SLC9A7: variants seen among roughly 807,000 people sequenced by gnomAD.
SLC9A7 encodes the protein solute carrier family 9 member A7, also known as sodium/hydrogen exchanger 7.
In SLC9A7, 19 loss-of-function variants were observed where a neutral mutation model predicts 52.6. The ratio of observed to expected loss-of-function variants is 0.36; its 90% confidence interval spans 0.25 to 0.53. The LOEUF (loss-of-function observed/expected upper bound fraction) is 0.53, where lower values mean the gene tolerates loss of function less well. SLC9A7 is among the 20% of genes least tolerant of loss of function. The pLI is 0.91. For synonymous variants in SLC9A7, 226 were observed against 252.1 expected, an observed-to-expected ratio of 0.90 and a Z score of 0.98; for missense variants, 455 against 597.9, an observed-to-expected ratio of 0.76 and a Z score of 2.49.
chrX:46,743,726 T>C lies in SLC9A7; in HGVS notation c.325+14979A>G, dbSNP rs1314767818. 3.6e-5 allele frequency among the ~76,000 whole-genome samples: 4 copies of C among 111,746 alleles called. No homozygotes were observed. In the East Asian group the frequency reaches 1.1e-3, roughly 31 times the overall value. ...CATCATCAAATGCATGGGTAGTTGTTAGATGCCCCAAAGTTCCCAAATATA... is the reference window on the plus strand; with the variant it reads ...CATCATCAAATGCATGGGTAGTTGTCAGATGCCCCAAAGTTCCCAAATATA... On this transcript the variant is annotated intron_variant, in intron 1 of 16. Transcript: ENST00000616978.
intron 1 of SLC9A7, among the ~76,000 whole-genome samples, chrX:46,691,046 T>C (rs1432477899): frequency 2.7e-5 from 3 of 112,050 alleles, no homozygotes; most frequent in Admixed American, 1.9e-4. Context: ...TTAAATGCCA[T>C]AGACACCTAC....
intron 1 of SLC9A7, among the ~76,000 whole-genome samples, chrX:46,735,326 G>T (rs1411950718): frequency 9.1e-6 from 1 of 110,214 alleles, no homozygotes; most frequent in Non-Finnish European, 1.9e-5. Flanking sequence ...TTATCCTAGG[G>T]TTTACAATGT....
chrX:46,606,889 G>A lies in SLC9A7; in HGVS notation c.*63C>T, dbSNP rs1247470114. The A allele has an allele frequency of 8.3e-7, 1 of 1,198,028 alleles. No homozygotes were observed. The highest frequency in any genetic ancestry group is 1.8e-5 in the African/African-American group (1 of 56,751). ...ACTGCCCCACCTCCAACAACACTAG[G>A]GCTTGCAGCTGTCCTCACCCCATCG... On this transcript the variant is annotated 3_prime_UTR_variant, in exon 17 of 17. Transcript: ENST00000616978.
chrX:46,680,401 TG>T (rs1410145725), intron 2 of SLC9A7, among the ~76,000 whole-genome samples: 1 of 110,648 alleles, frequency 9.0e-6, no homozygotes, highest in Non-Finnish European at 1.9e-5. Flanking sequence ...AAGACTCAAC[TG>T]CAGTAAAAGA....
At chrX:46,657,139 G>T (rs1286065355) in intron 7 of SLC9A7, among the ~76,000 whole-genome samples, 1 of 109,574 alleles carries the variant, frequency 9.1e-6, no homozygotes, top group Non-Finnish European at 1.9e-5. Context: ...ATAAGTGAAG[G>T]GGAAATAAAA....
intron 14 of SLC9A7, among the ~76,000 whole-genome samples, chrX:46,622,968 G>A (rs1291123458): frequency 8.9e-6 from 1 of 112,117 alleles, no homozygotes; most frequent in Non-Finnish European, 1.9e-5. Flanking sequence ...GTAAATTCAG[G>A]ACAAATCAAA....
At chrX:46,751,089 T>C (rs781909193) in intron 1 of SLC9A7, among the ~76,000 whole-genome samples, 13 of 112,037 alleles carry the variant, frequency 1.2e-4, no homozygotes, top group Non-Finnish European at 2.3e-4. Context: ...CCAACAGAAG[T>C]GGGCAAAGTG....
chrX:46,751,796 T>C (rs1556288354), intron 1 of SLC9A7, among the ~76,000 whole-genome samples: 1 of 110,881 alleles, frequency 9.0e-6, no homozygotes, highest in Non-Finnish European at 1.9e-5. Context: ...CATGACACAG[T>C]GAGACCCTGT....
At chrX:46,730,657 C>CA (rs750710893) in intron 1 of SLC9A7, among the ~76,000 whole-genome samples, 15 of 24,831 alleles carry the variant, frequency 6.0e-4, no homozygotes, top group East Asian at 1.3e-3. Flanking sequence ...GAGACTGTCT[C>CA]AAAAAAAAAA....
intron 16 of SLC9A7, among the ~76,000 whole-genome samples, chrX:46,610,407 G>A (rs1423195413): frequency 8.9e-6 from 1 of 112,311 alleles, no homozygotes; most frequent in African/African-American, 3.2e-5. Flanking sequence ...CCTTTTAGAT[G>A]GTGGGTAAGA....
chrX:46,720,459 C>G (rs762855046), intron 1 of SLC9A7, among the ~76,000 whole-genome samples: 2 of 110,719 alleles, frequency 1.8e-5, no homozygotes, highest in Non-Finnish European at 3.8e-5. Flanking sequence ...CTGCTTCTCC[C>G]CTGATTCCCC....
chrX:46,692,728 T>C (rs780688253), intron 1 of SLC9A7, among the ~76,000 whole-genome samples: 13 of 111,528 alleles, frequency 1.2e-4, no homozygotes, highest in Non-Finnish European at 2.1e-4. Flanking sequence ...CAATGCATGC[T>C]CAGAAATGAG....
chrX:46,622,009 C>A (rs368812293), intron 14 of SLC9A7, among the ~76,000 whole-genome samples: 85 of 69,538 alleles, frequency 1.2e-3, no homozygotes, highest in African/African-American at 7.1e-3. Flanking sequence ...AAATTCTACC[C>A]GCAATGGCAA....
rs750973505 is a variant in SLC9A7, at chrX:46,714,572, TATATTTTTTGAGATCCCCGACAA to T, written c.326-32060_326-32038del. 8.2e-4 allele frequency among the ~76,000 whole-genome samples: 92 copies of T among 111,597 alleles called. 2 individuals are homozygous for T. In the East Asian group the frequency reaches 0.011, roughly 13 times the overall value. Reference sequence around the variant, plus strand: ...TGCCTCCATACTTATGGACAACACATATATTTTTTGAGATCCCCGACAAATATTTTTTGAGATCCCCGACAAAT... The same window carrying T: ...TGCCTCCATACTTATGGACAACACATATATTTTTTGAGATCCCCGACAAAT... On this transcript the variant is annotated intron_variant, in intron 1 of 16. Coordinates refer to ENST00000616978, the MANE Select transcript of SLC9A7 (RefSeq NM_001257291.2).
chrX:46,758,565 T>C, intron 1 of SLC9A7, 140 bp downstream of exon 1: 1 of 390,299 alleles, frequency 2.6e-6, no homozygotes, highest in Non-Finnish European at 4.3e-6. Flanking sequence ...ACAGTTGACC[T>C]TGGGAACCAA....
At chrX:46,697,879 C>A (rs947786197) in intron 1 of SLC9A7, among the ~76,000 whole-genome samples, 3 of 111,752 alleles carry the variant, frequency 2.7e-5, no homozygotes. Context: ...AAGGAACATC[C>A]CTGAGAAAGA....
At chrX:46,751,576 G>A (rs1922238067) in intron 1 of SLC9A7, among the ~76,000 whole-genome samples, 3 of 111,494 alleles carry the variant, frequency 2.7e-5, no homozygotes. Context: ...AGGAAGCCGA[G>A]GCAGGTGGAT....
At chrX:46,750,552 G>T (rs781880995) in intron 1 of SLC9A7, among the ~76,000 whole-genome samples, 1 of 111,121 alleles carries the variant, frequency 9.0e-6, no homozygotes, top group Admixed American at 9.5e-5. Flanking sequence ...GTTTTGCCAC[G>T]TTGCCCAGGC....
intron 1 of SLC9A7, among the ~76,000 whole-genome samples, chrX:46,723,568 T>G (rs1944897585): frequency 1.8e-5 from 2 of 110,372 alleles, no homozygotes; most frequent in Non-Finnish European, 3.8e-5. Flanking sequence ...CCTCAAGAAT[T>G]TTGGAGAGGG....
Sources: allele counts gnomAD v4.1 joint callset (sites outside exome capture counted in the v4.1 genomes callset), GRCh38; gene constraint gnomAD v4.1.1; transcripts MANE v1.5; gene names NCBI Gene and HGNC (gene_info 2026-07-23, HGNC 2026-07-21).